The following RP9 variants were observed in gnomAD, a reference collection of about 807,000 sequenced individuals.
RP9 encodes the protein RP9 pre-mRNA splicing factor, also known as retinitis pigmentosa 9 protein.
RP9 carries 23 observed loss-of-function variants against 32.6 expected under a neutral mutation model. That is an observed-to-expected ratio of 0.71 (90% CI 0.51 to 1.00). The LOEUF (loss-of-function observed/expected upper bound fraction) is 1.00, where lower values mean the gene tolerates loss of function less well. Ranked by LOEUF, RP9 falls within the 50% of genes least tolerant of loss-of-function variation. The pLI, the probability that RP9 is intolerant of heterozygous loss-of-function variation, is 0.00. For synonymous variants in RP9, 94 were observed against 103.6 expected (o/e 0.91, Z 0.56); for missense variants, 245 against 285.3 (o/e 0.86, Z 1.02).
At chr7:33,103,829 C>T (rs1788462448) in intron 1 of RP9, among the ~76,000 whole-genome samples, 2 of 150,990 alleles carry the variant, frequency 1.3e-5, no homozygotes, top group Admixed American at 6.6e-5. Flanking sequence ...CTAAAAAACA[C>T]AAAACAAAAC....
chr7:33,102,228 A>G (rs933746923), intron 1 of RP9, among the ~76,000 whole-genome samples: 1 of 152,238 alleles, frequency 6.6e-6, no homozygotes, highest in African/African-American at 2.4e-5. Context: ...ACTCAAAAAT[A>G]TATTTCTGAA....
At position 33,094,978 on chromosome 7, in the gene RP9, T is replaced by C. The variant is rs1159942218; in HGVS notation, c.*256A>G. On this transcript the variant is annotated 3_prime_UTR_variant, in exon 6 of 6. Transcript: ENST00000297157. ...GAGACACTTCAAAGGAATCGTAAAC[T>C]CATGTGACCAGCAGGGAGGACAACG... 5.7e-6 allele frequency: 3 copies of C among 530,026 alleles called. No individual in the cohort carries two copies. The highest frequency in any genetic ancestry group is 3.4e-5 in the East Asian group (1 of 29,718). The allele number at this position is 530,026 out of a possible 1,614,324, so 32.8% of individuals were successfully genotyped here. A position where few individuals can be genotyped will look rare whatever the true frequency, so the allele number is the denominator to read the frequency against.
At position 33,109,133 on chromosome 7, in the gene RP9, C is replaced by G; in HGVS notation, c.152+88G>C. On this transcript the variant is annotated intron_variant, in intron 1 of 5. Transcript: ENST00000297157. This position sits in a 1 kb window ranked among gnomAD's most constrained non-coding sequence, Gnocchi z 4.9. The stretch of plus-strand genomic sequence containing the variant: ...TGCCTGCTCGCGGGGGCTCGGAGGA[C>G]CCGGCCTAGCGCCCACCGCGGCGTC... The G allele has an allele frequency of 7.0e-7, 1 of 1,431,130 alleles. No homozygotes were observed. The highest frequency in any genetic ancestry group is 1.5e-5 in the African/African-American group (1 of 66,656). 88.7% of individuals were successfully genotyped at this position (1,431,130 alleles called of 1,614,324 possible).
At chr7:33,099,534 C>T (rs1788395898) in intron 2 of RP9, 98 bp from the exon 3 acceptor site, 10 of 1,351,520 alleles carry the variant, frequency 7.4e-6, no homozygotes, top group African/African-American at 5.7e-5. Context: ...CCTGGGCTTC[C>T]GGTGCCAACA....
intron 5 of RP9, among the ~76,000 whole-genome samples, chr7:33,096,074 T>G (rs1359047513): frequency 5.3e-5 from 8 of 152,232 alleles, no homozygotes; most frequent in Admixed American, 5.2e-4. Flanking sequence ...ACTTCAGCGA[T>G]CCGCTGGCCT....
chr7:33,097,415 G>A (rs1788355225), intron 3 of RP9, 53 bp from the exon 4 acceptor site: 1 of 1,281,576 alleles, frequency 7.8e-7, no homozygotes, highest in Non-Finnish European at 1.1e-6. Context: ...ACCTACTCAA[G>A]ATAAAGAATC....
Position 33,095,250 on chromosome 7 carries a change from C to A in RP9, c.650G>T (p.Gly217Val). The A allele has an allele frequency of 6.2e-7, 1 of 1,611,092 alleles. No individual in the cohort carries two copies. Among genetic ancestry groups the A allele is most frequent in the Non-Finnish European group, 8.5e-7 (1 of 1,177,412 alleles). The change falls in exon 6 of 6, where the codon GGT (glycine) becomes GTT (valine). Residue 217 changes from glycine to valine, a missense_variant. By Grantham distance (109) the Gly-to-Val change is moderately radical. Around this residue, in one of 2 missense-constraint regions of RP9, gnomAD observed 63 missense variants for 109.8 expected, o/e 0.57. Transcript: ENST00000297157. Reference sequence around the variant, plus strand: ...ACATCCTTGTCACTCTGAGTCAGAACCCTCATTTGACTTGGAAGATTTGTG... The same window carrying A: ...ACATCCTTGTCACTCTGAGTCAGAAACCTCATTTGACTTGGAAGATTTGTG... Reference protein sequence around the residue: ...RKHKSSKSNEGSDSE With the variant: ...RKHKSSKSNEVSDSE
At chr7:33,103,807 G>A (rs1389552108) in intron 1 of RP9, among the ~76,000 whole-genome samples, 2 of 152,090 alleles carry the variant, frequency 1.3e-5, no homozygotes, top group African/African-American at 4.8e-5. Context: ...GTGACAGAAC[G>A]AGAGCTTGTC....
chr7:33,109,326 C>T lies in RP9; in HGVS notation c.47G>A (p.Arg16Gln). The T allele has an allele frequency of 6.9e-7, 1 of 1,456,922 alleles. No homozygotes were observed. The highest frequency in any genetic ancestry group is 1.3e-5 in the South Asian group (1 of 77,242). The allele number at this position is 1,456,922 out of a possible 1,614,324, so 90.2% of individuals were successfully genotyped here. The part of the protein sequence containing the change: ...GREDVGAAGA[R>Q]RPREPPEQEL... ...CTGCTCCGGCGGCTCACGCGGCCGCCGCGCGCCCGCAGCCCCCACGTCCTC... is the reference window on the plus strand; with the variant it reads ...CTGCTCCGGCGGCTCACGCGGCCGCTGCGCGCCCGCAGCCCCCACGTCCTC... The change falls in exon 1 of 6, where the codon CGG (arginine) becomes CAG (glutamine). Residue 16 changes from arginine to glutamine, a missense_variant. Around this residue, in one of 2 missense-constraint regions of RP9, gnomAD observed 182 missense variants for 175.5 expected, o/e 1.04. Coordinates refer to ENST00000297157, the MANE Select transcript of RP9 (RefSeq NM_203288.2). The surrounding 1 kb of genome is among the most constrained non-coding windows in gnomAD (Gnocchi z 4.9).
chr7:33,108,971 T>TCC (rs1788541174), intron 1 of RP9, among the ~76,000 whole-genome samples: 1 of 152,106 alleles, frequency 6.6e-6, no homozygotes, highest in Non-Finnish European at 1.5e-5. Flanking sequence ...GCGCAGGGCC[T>TCC]CCCAAGTCAG....
At chr7:33,095,488 T>G in intron 5 of RP9, 56 bp from the exon 6 acceptor site, 3 of 1,607,056 alleles carry the variant, frequency 1.9e-6, no homozygotes. Flanking sequence ...CTTACAACAG[T>G]TGCTTAGATA....
chr7:33,095,191 G>A lies in RP9; in HGVS notation c.*43C>T. On this transcript the variant is annotated 3_prime_UTR_variant, in exon 6 of 6. Transcript: ENST00000297157. ...CTGACTGCATCTTCCTCTGTTCCTT[G>A]GTCAGTGTTTGAGAAGAGAATGTTG... 1 of 1,588,580 alleles carries A rather than the reference G, an allele frequency of 6.3e-7. No individual in the cohort carries two copies. The highest frequency in any genetic ancestry group is 8.6e-7 in the Non-Finnish European group (1 of 1,157,282).
At chr7:33,106,755 C>A (rs186571554) in intron 1 of RP9, among the ~76,000 whole-genome samples, 138 of 152,106 alleles carry the variant, frequency 9.1e-4, no homozygotes, top group South Asian at 1.0e-3. Flanking sequence ...ACCATCCTGG[C>A]CAACATGGTG....
chr7:33,104,766 A>G (rs2128033503), intron 1 of RP9, among the ~76,000 whole-genome samples: 1 of 152,274 alleles, frequency 6.6e-6, no homozygotes, highest in African/African-American at 2.4e-5. Context: ...TTTTTTGTAG[A>G]GACAGGGTCT....
chr7:33,106,920 G>T (rs1268552360), intron 1 of RP9, among the ~76,000 whole-genome samples: 3 of 151,746 alleles, frequency 2.0e-5, no homozygotes, highest in African/African-American at 7.3e-5. Flanking sequence ...CTCCAGCCTG[G>T]GTGACAGAGC....
intron 4 of RP9, 143 bp from the exon 5 acceptor site, chr7:33,096,697 A>T (rs1788340125): frequency 1.5e-5 from 11 of 713,850 alleles, no homozygotes; most frequent in Non-Finnish European, 2.8e-5. Flanking sequence ...TCTAGGTCAC[A>T]TCACTGAAAA....
chr7:33,107,534 G>C (rs1788515904), intron 1 of RP9, among the ~76,000 whole-genome samples: 1 of 152,172 alleles, frequency 6.6e-6, no homozygotes, highest in Non-Finnish European at 1.5e-5. Flanking sequence ...GCGCCACACA[G>C]TGACTTGAAA....
chr7:33,109,203 C>T lies in RP9; in HGVS notation c.152+18G>A, dbSNP rs557398081. ...CTTCAGAAGACTGGCCGCGCGCGGA[C>T]GGCAGCTCGGGACTCACAAGGACTC... On this transcript the variant is annotated intron_variant, in intron 1 of 5. Transcript: ENST00000297157. The surrounding 1 kb of genome is among the most constrained non-coding windows in gnomAD (Gnocchi z 4.9). 8.6e-4 allele frequency: 1,281 copies of T among 1,489,840 alleles called. 13 individuals carry two copies. In the African/African-American group the frequency reaches 0.016, roughly 19 times the overall value. 92.3% of individuals were successfully genotyped at this position (1,489,840 alleles called of 1,614,324 possible). A position where few individuals can be genotyped will look rare whatever the true frequency, so the allele number is the denominator to read the frequency against.
chr7:33,108,709 GC>G (rs1452730237), intron 1 of RP9, among the ~76,000 whole-genome samples: 1 of 151,986 alleles, frequency 6.6e-6, no homozygotes, highest in Non-Finnish European at 1.5e-5. Flanking sequence ...TCTCCACCAC[GC>G]CCCAAAAGGC....
Sources: allele counts gnomAD v4.1 joint callset (sites outside exome capture counted in the v4.1 genomes callset), GRCh38; gene constraint gnomAD v4.1.1; regional missense constraint gnomAD v4.1.1; non-coding constraint Gnocchi (gnomAD v3.1); transcripts MANE v1.5; gene names NCBI Gene and HGNC (gene_info 2026-07-23, HGNC 2026-07-21).